The following RABGAP1L variants were observed in gnomAD, a reference collection of about 807,000 sequenced individuals.
The protein encoded by RABGAP1L is RAB GTPase activating protein 1 like, also known as rab GTPase-activating protein 1-like.
RABGAP1L carries 63 observed loss-of-function variants against 137.7 expected under a neutral mutation model. The ratio of observed to expected loss-of-function variants is 0.46; its 90% CI spans 0.37 to 0.56. RABGAP1L has a LOEUF of 0.56. Among genes scored for constraint, RABGAP1L ranks in the 20% least tolerant of loss-of-function variants. The pLI, the probability that RABGAP1L is intolerant of heterozygous loss-of-function variation, is 0.00. For synonymous variants in RABGAP1L, 431 were observed against 433.7 expected (o/e 0.99, Z 0.08); for missense variants, 1,095 against 1,244.0 (o/e 0.88, Z 1.80).
intron 13 of RABGAP1L, among the ~76,000 whole-genome samples, chr1:174,584,710 T>G (rs1388889833): frequency 6.6e-6 from 1 of 152,216 alleles, no homozygotes; most frequent in African/African-American, 2.4e-5. Context: ...GTGAGCATTT[T>G]TCTCTGTAAT....
chr1:174,891,230 A>T (rs760873064), intron 19 of RABGAP1L, among the ~76,000 whole-genome samples: 3 of 152,232 alleles, frequency 2.0e-5, no homozygotes, highest in African/African-American at 7.2e-5. Flanking sequence ...GAGGCACGGG[A>T]TAGAAAGATG....
At chr1:174,403,289 T>C (rs1397598086) in intron 13 of RABGAP1L, among the ~76,000 whole-genome samples, 1 of 151,564 alleles carries the variant, frequency 6.6e-6, no homozygotes, top group Non-Finnish European at 1.5e-5. Flanking sequence ...TCTCTTTTTT[T>C]TTTTTAAGAG....
intron 10 of RABGAP1L, among the ~76,000 whole-genome samples, chr1:174,295,157 T>C (rs2148731999): frequency 6.6e-6 from 1 of 151,934 alleles, no homozygotes; most frequent in East Asian, 1.9e-4. Flanking sequence ...GACCTCATGA[T>C]CCGCCCACCT....
chr1:174,984,431 T>C (rs1487439266), intron 24 of RABGAP1L, among the ~76,000 whole-genome samples: 3 of 152,168 alleles, frequency 2.0e-5, no homozygotes, highest in Non-Finnish European at 1.5e-5. Flanking sequence ...ATTAAGAACT[T>C]CGGAAGCAGT....
At chr1:174,943,841 A>G (rs1046286102) in intron 19 of RABGAP1L, among the ~76,000 whole-genome samples, 1 of 152,116 alleles carries the variant, frequency 6.6e-6, no homozygotes, top group African/African-American at 2.4e-5. Context: ...TCAAAAAAAA[A>G]GACTTTCTCC....
intron 13 of RABGAP1L, among the ~76,000 whole-genome samples, chr1:174,455,654 T>C (rs1558249584): frequency 6.6e-6 from 1 of 152,102 alleles, no homozygotes; most frequent in African/African-American, 2.4e-5. Flanking sequence ...AGATGGCGTA[T>C]TTTTATAGAA....
At chr1:174,976,032 C>T in intron 21 of RABGAP1L, 46 bp from the exon 22 acceptor site, 1 of 1,459,430 alleles carries the variant, frequency 6.9e-7, no homozygotes, top group South Asian at 1.2e-5. Context: ...TTTCTTTACC[C>T]TCTGTATGAC....
chr1:174,685,922 A>T (rs999118805), intron 15 of RABGAP1L, among the ~76,000 whole-genome samples: 4 of 152,114 alleles, frequency 2.6e-5, no homozygotes, highest in Non-Finnish European at 5.9e-5. Context: ...CTAGGTGGAG[A>T]TATATGTTCA....
intron 12 of RABGAP1L, among the ~76,000 whole-genome samples, chr1:174,375,841 G>A (rs981376765): frequency 2.6e-5 from 4 of 152,018 alleles, no homozygotes; most frequent in South Asian, 2.1e-4. Context: ...GAGGCGAGCC[G>A]ATCACTTGAG....
chr1:174,477,661 T>G (rs1229522289), intron 13 of RABGAP1L, among the ~76,000 whole-genome samples: 1 of 152,176 alleles, frequency 6.6e-6, no homozygotes, highest in Non-Finnish European at 1.5e-5. Context: ...TATTTTATGT[T>G]TAAAACTAAT....
chr1:174,900,830 T>C (rs1407608764), intron 19 of RABGAP1L, among the ~76,000 whole-genome samples: 1 of 152,214 alleles, frequency 6.6e-6, no homozygotes, highest in Non-Finnish European at 1.5e-5. Context: ...TGAATTTGAA[T>C]GTTGACCTGT....
At chr1:174,252,295 A>G in intron 6 of RABGAP1L, 185 bp from the exon 7 acceptor site, 1 of 584,796 alleles carries the variant, frequency 1.7e-6, no homozygotes. Context: ...TGTGTTGCTG[A>G]CTATAAAGTT....
rs1255020523 is a variant in RABGAP1L, at chr1:174,327,984, CACATATATATAT to C, written c.1465+22859_1465+22870del. ...ATATATATATATATATATATACACA[CACATATATATAT>C]ATATATATATATATATATATATATA... On this transcript the variant is annotated intron_variant, in intron 11 of 25. Transcript: ENST00000681986. Among the ~76,000 whole-genome samples, 275 of 37,860 alleles carry C rather than the reference CACATATATATAT, an allele frequency of 7.3e-3. 7 individuals are homozygous for C. The East Asian group carries it at 0.079, about 11-fold the overall frequency. 24.8% of individuals were successfully genotyped at this position (37,860 alleles called of 152,430 possible). A position where few individuals can be genotyped will look rare whatever the true frequency, so the allele number is the denominator to read the frequency against.
At chr1:174,970,624 T>A (rs1368374583) in intron 21 of RABGAP1L, among the ~76,000 whole-genome samples, 1 of 152,110 alleles carries the variant, frequency 6.6e-6, no homozygotes, top group African/African-American at 2.4e-5. Flanking sequence ...TCTCATTTAA[T>A]CTCCCTAATG....
chr1:174,432,077 A>G (rs1652699869), intron 13 of RABGAP1L, among the ~76,000 whole-genome samples: 1 of 152,124 alleles, frequency 6.6e-6, no homozygotes, highest in Non-Finnish European at 1.5e-5. Context: ...TAGTGAGCAT[A>G]GTACCCATAG....
At position 174,640,985 on chromosome 1, in the gene RABGAP1L, A is replaced by AT. The variant is rs1491152121; in HGVS notation, c.1824+3497_1824+3498insT. On this transcript the variant is annotated intron_variant, in intron 14 of 25. Transcript: ENST00000681986. ...ATATTTAATTATATTAATTAAATAT[A>AT]ATTTTAGATTATATTAATTAAATAT... Among the ~76,000 whole-genome samples the AT allele has an allele frequency of 3.3e-5, 3 of 89,628 alleles. No homozygotes were observed. In the East Asian group the frequency reaches 9.6e-4, roughly 29 times the overall value. The allele number at this position is 89,628 out of a possible 152,430, so 58.8% of individuals were successfully genotyped here. A position where few individuals can be genotyped will look rare whatever the true frequency, so the allele number is the denominator to read the frequency against.
At chr1:174,423,562 A>G (rs1177783975) in intron 13 of RABGAP1L, among the ~76,000 whole-genome samples, 3 of 152,216 alleles carry the variant, frequency 2.0e-5, no homozygotes, top group South Asian at 2.1e-4. Context: ...AAAAAAATTT[A>G]AAAGACTTCT....
chr1:174,309,795 A>G (rs1178224375), intron 11 of RABGAP1L, among the ~76,000 whole-genome samples: 1 of 151,974 alleles, frequency 6.6e-6, no homozygotes, highest in East Asian at 1.9e-4. Flanking sequence ...GTTCTTCAGA[A>G]ATATTGGCCT....
chr1:174,733,155 C>CA (rs1263818873), intron 17 of RABGAP1L, among the ~76,000 whole-genome samples: 3 of 151,828 alleles, frequency 2.0e-5, no homozygotes, highest in Non-Finnish European at 2.9e-5. Flanking sequence ...ATTGCCTCTC[C>CA]AAAAAAGAAT....
Sources: gnomAD v4.1 joint callset for allele counts (sites outside exome capture counted in the v4.1 genomes callset) on GRCh38, gnomAD v4.1.1 for gene constraint, MANE v1.5 for transcripts, NCBI Gene and HGNC (gene_info 2026-07-23, HGNC 2026-07-21) for gene names.